PCDH15: variants seen among roughly 807,000 people sequenced by gnomAD.
The protein encoded by PCDH15 is protocadherin-15.
In PCDH15, 129 loss-of-function variants were observed where a neutral mutation model predicts 178.5. The ratio of observed to expected loss-of-function variants is 0.72; its 90% CI spans 0.63 to 0.84. PCDH15 has a LOEUF of 0.84. PCDH15 is among the 40% of genes least tolerant of loss of function. PCDH15 has a pLI of 0.00. For missense variants in PCDH15, 2,230 were observed against 2,099.9 expected (o/e 1.06, Z -1.21); for synonymous variants, 800 against 732.0 (o/e 1.09, Z -1.50).
At chr10:54,436,672 C>T (rs1432359988) in intron 3 of PCDH15, among the ~76,000 whole-genome samples, 1 of 152,080 alleles carries the variant, frequency 6.6e-6, no homozygotes, top group Non-Finnish European at 1.5e-5. Flanking sequence ...AACCTACACA[C>T]CAAATATGCT....
chr10:53,868,009 T>A (rs1010633684), intron 26 of PCDH15, among the ~76,000 whole-genome samples: 2 of 152,070 alleles, frequency 1.3e-5, no homozygotes, highest in African/African-American at 4.8e-5. Context: ...CATTTGTTTT[T>A]AAATACAGCT....
chr10:55,045,921 C>T (rs1363154144), intron 2 of PCDH15, among the ~76,000 whole-genome samples: 1 of 151,976 alleles, frequency 6.6e-6, no homozygotes, highest in Non-Finnish European at 1.5e-5. Flanking sequence ...TAGAAATATA[C>T]AGTATAGCTG....
At chr10:54,418,890 G>A (rs1333351009) in intron 3 of PCDH15, among the ~76,000 whole-genome samples, 4 of 151,834 alleles carry the variant, frequency 2.6e-5, no homozygotes, top group Non-Finnish European at 5.9e-5. Flanking sequence ...TTCACTTCAA[G>A]GGTTGATGTC....
intron 13 of PCDH15, among the ~76,000 whole-genome samples, chr10:54,175,577 C>A (rs762276779): frequency 1.3e-5 from 2 of 152,130 alleles, no homozygotes; most frequent in Non-Finnish European, 1.5e-5. Context: ...TCACAACACT[C>A]TTTTGAGGTT....
At chr10:54,889,584 G>A (rs1310534399) in intron 3 of PCDH15, among the ~76,000 whole-genome samples, 1 of 149,264 alleles carries the variant, frequency 6.7e-6, no homozygotes, top group Admixed American at 6.7e-5. Context: ...TGAAAAAGAA[G>A]CCTGATAAAT....
At chr10:53,832,486 A>G (rs1291333487) in intron 29 of PCDH15, among the ~76,000 whole-genome samples, 1 of 151,940 alleles carries the variant, frequency 6.6e-6, no homozygotes, top group African/African-American at 2.4e-5. Context: ...TGGAAAACAA[A>G]AATAGTTCAA....
chr10:55,127,438 G>C (rs917786814), intron 2 of PCDH15, among the ~76,000 whole-genome samples: 25 of 152,078 alleles, frequency 1.6e-4, no homozygotes, highest in Admixed American at 1.2e-3. Flanking sequence ...TAAAGACTTT[G>C]GACTATCATA....
In PCDH15 at chr10:55,586,424, G is replaced by A. The variant is rs536066665; in HGVS notation, c.-156+41201C>T. Among the ~76,000 whole-genome samples the A allele has an allele frequency of 2.1e-4, 32 of 152,182 alleles. No homozygotes were observed. The South Asian group carries it at 6.2e-3, about 30-fold the overall frequency. ...CCTTGCACTAGCCTAGGCCAGTCTT[G>A]TAACTGAAACCCATTGGATTCAAAA... On this transcript the variant is annotated intron_variant, in intron 2 of 5. Transcript: ENST00000613346.
At chr10:53,916,019 C>T (rs1423480259) in intron 25 of PCDH15, among the ~76,000 whole-genome samples, 1 of 152,092 alleles carries the variant, frequency 6.6e-6, no homozygotes, top group Non-Finnish European at 1.5e-5. Flanking sequence ...TAGAAAATGG[C>T]CATAGTATTT....
At chr10:54,197,509 A>G (rs2049796385) in intron 10 of PCDH15, among the ~76,000 whole-genome samples, 1 of 152,090 alleles carries the variant, frequency 6.6e-6, no homozygotes, top group Admixed American at 6.5e-5. Context: ...CCATTGGGAG[A>G]AAAGTTGTAT....
At chr10:54,138,296 G>T (rs1167013315) in intron 14 of PCDH15, among the ~76,000 whole-genome samples, 1 of 151,892 alleles carries the variant, frequency 6.6e-6, no homozygotes, top group Non-Finnish European at 1.5e-5. Flanking sequence ...ACTAGACAGT[G>T]GGATTGGCTC....
intron 3 of PCDH15, among the ~76,000 whole-genome samples, chr10:54,483,818 T>C (rs1015602329): frequency 4.6e-5 from 7 of 151,888 alleles, no homozygotes; most frequent in African/African-American, 1.4e-4. Flanking sequence ...TAAAATATTT[T>C]TCTATTTGAT....
intron 2 of PCDH15, among the ~76,000 whole-genome samples, chr10:55,348,128 G>C (rs1025965461): frequency 2.6e-5 from 4 of 152,030 alleles, no homozygotes; most frequent in Non-Finnish European, 4.4e-5. Flanking sequence ...TTATATATCT[G>C]CCTCTGTCAT....
At chr10:54,598,424 C>T (rs1351320442) in intron 2 of PCDH15, among the ~76,000 whole-genome samples, 1 of 152,052 alleles carries the variant, frequency 6.6e-6, no homozygotes, top group African/African-American at 2.4e-5. Flanking sequence ...AATTCTGCTT[C>T]CCTTCATGTT....
At chr10:54,652,293 A>AG (rs2094280351) in intron 2 of PCDH15, among the ~76,000 whole-genome samples, 1 of 152,100 alleles carries the variant, frequency 6.6e-6, no homozygotes, top group Admixed American at 6.5e-5. Context: ...CCTGAGACTC[A>AG]GCTGGAGTCT....
chr10:55,289,580 C>T (rs1689479071), intron 1 of PCDH15, among the ~76,000 whole-genome samples: 2 of 151,904 alleles, frequency 1.3e-5, no homozygotes, highest in Admixed American at 6.6e-5. Flanking sequence ...TACTCTAGAG[C>T]TTCTCAAACT....
chr10:54,152,056 T>C (rs993706839), intron 14 of PCDH15, among the ~76,000 whole-genome samples: 2 of 152,212 alleles, frequency 1.3e-5, no homozygotes, highest in African/African-American at 2.4e-5. Context: ...TTGTTCATCA[T>C]TGGATGAATA....
At chr10:54,498,573 C>T (rs1432664697) in intron 3 of PCDH15, among the ~76,000 whole-genome samples, 1 of 151,826 alleles carries the variant, frequency 6.6e-6, no homozygotes, top group Non-Finnish European at 1.5e-5. Flanking sequence ...CCCATAGGCT[C>T]TAAGTAAAGG....
intron 2 of PCDH15, among the ~76,000 whole-genome samples, chr10:54,931,186 A>C (rs191306771): frequency 7.1e-4 from 108 of 152,306 alleles, no homozygotes; most frequent in African/African-American, 2.5e-3. Context: ...GATGAGCTAT[A>C]TTATCCTCTG....
Sources: allele counts gnomAD v4.1 joint callset (sites outside exome capture counted in the v4.1 genomes callset), GRCh38; gene constraint gnomAD v4.1.1; transcripts MANE v1.5; gene names NCBI Gene and HGNC (gene_info 2026-07-23, HGNC 2026-07-21).